The following TSHZ2 variants were observed in gnomAD, a reference collection of about 807,000 sequenced individuals.
TSHZ2 encodes the protein teashirt zinc finger homeobox 2, also known as teashirt homolog 2.
Under a neutral mutation model 74.4 loss-of-function variants are expected in TSHZ2, and 21 were observed. The ratio of observed to expected loss-of-function variants is 0.28; its 90% confidence interval spans 0.20 to 0.41. The LOEUF is 0.41. Among genes scored for constraint, TSHZ2 ranks in the 10% least tolerant of loss-of-function variants. TSHZ2 has a pLI of 1.00. For missense variants in TSHZ2, 1,244 were observed against 1,293.5 expected (o/e 0.96, Z 0.59); for synonymous variants, 540 against 515.3 (o/e 1.05, Z -0.65).
chr20:53,160,323 G>A (rs965935888), intron 1 of TSHZ2, among the ~76,000 whole-genome samples: 1 of 152,174 alleles, frequency 6.6e-6, no homozygotes, highest in African/African-American at 2.4e-5. Flanking sequence ...GGGTTCAGGA[G>A]TCCACATCAA....
chr20:53,060,202 A>G (rs1400110357), intron 1 of TSHZ2, among the ~76,000 whole-genome samples: 2 of 152,112 alleles, frequency 1.3e-5, no homozygotes, highest in African/African-American at 4.8e-5. Flanking sequence ...AGAAGTCAAA[A>G]TTTTTCAGAT....
At chr20:53,458,200 TG>T (rs1985189429) in intron 2 of TSHZ2, among the ~76,000 whole-genome samples, 1 of 147,882 alleles carries the variant, frequency 6.8e-6, no homozygotes, top group South Asian at 2.2e-4. Flanking sequence ...GGACTCTTTT[TG>T]GTTGGTAAGC....
At chr20:53,009,910 G>A (rs933572102) in intron 1 of TSHZ2, among the ~76,000 whole-genome samples, 25 of 152,244 alleles carry the variant, frequency 1.6e-4, no homozygotes, top group African/African-American at 5.8e-4. Context: ...TGAGGATTTT[G>A]TTTGTTTGTT....
intron 2 of TSHZ2, among the ~76,000 whole-genome samples, chr20:53,262,915 T>A (rs960114313): frequency 6.6e-6 from 1 of 152,174 alleles, no homozygotes; most frequent in Non-Finnish European, 1.5e-5. Flanking sequence ...ATTTGGGGGT[T>A]TTACAGAACT....
intron 1 of TSHZ2, among the ~76,000 whole-genome samples, chr20:53,012,269 T>A (rs560760090): frequency 6.6e-6 from 1 of 152,164 alleles, no homozygotes; most frequent in South Asian, 2.1e-4. Context: ...CCTTATCACC[T>A]TCCGTTCTTG....
chr20:53,315,725 C>T (rs577809766), intron 2 of TSHZ2, among the ~76,000 whole-genome samples: 6 of 152,234 alleles, frequency 3.9e-5, no homozygotes, highest in East Asian at 1.9e-4. Flanking sequence ...ATAGACATCA[C>T]GGCGCTCTCA....
intron 1 of TSHZ2, among the ~76,000 whole-genome samples, chr20:53,110,728 T>C (rs1038749605): frequency 1.4e-5 from 2 of 144,966 alleles, no homozygotes; most frequent in African/African-American, 4.9e-5. Flanking sequence ...GGGAGGCAGA[T>C]AACATTAAAA....
At chr20:53,458,851 G>C (rs956219450) in intron 2 of TSHZ2, among the ~76,000 whole-genome samples, 1 of 152,042 alleles carries the variant, frequency 6.6e-6, no homozygotes, top group Non-Finnish European at 1.5e-5. Context: ...AGGTTGTTCA[G>C]TTTCCATGTA....
At chr20:53,487,019 C>G (rs2781289) in intron 2 of TSHZ2, 125 bp from the exon 3 acceptor site, 51,655 of 152,242 alleles carry the variant, frequency 0.34, 9,007 homozygotes, top group Admixed American at 0.36. Context: ...AACTAGGACT[C>G]TACTCAGAAC....
Position 53,256,660 on chromosome 20 carries a change from C to T in TSHZ2, c.*8+89C>T, listed in dbSNP as rs1990490989. 6.8e-7 allele frequency: 1 copy of T among 1,473,410 alleles called. No homozygotes were observed. The allele number at this position is 1,473,410 out of a possible 1,614,324, so 91.3% of individuals were successfully genotyped here. A position where few individuals can be genotyped will look rare whatever the true frequency, so the allele number is the denominator to read the frequency against. On this transcript the variant is annotated intron_variant, in intron 2 of 2. Transcript: ENST00000371497. This position sits in a 1 kb window ranked among gnomAD's most constrained non-coding sequence, Gnocchi z 4.3. ...TCTGCTTAGAGGCAGCTAGCATCTC[C>T]CAATGCCAAGCAGGATAGTAGCTTG... is the stretch of plus-strand genomic sequence containing the variant.
intron 2 of TSHZ2, among the ~76,000 whole-genome samples, chr20:53,332,168 A>C (rs1600814648): frequency 1.3e-5 from 2 of 152,138 alleles, no homozygotes; most frequent in African/African-American, 4.8e-5. Flanking sequence ...CCTGGGACTC[A>C]CCCTGCCGAA....
intron 2 of TSHZ2, among the ~76,000 whole-genome samples, chr20:53,473,418 G>A (rs1250057525): frequency 7.1e-6 from 1 of 140,856 alleles, no homozygotes; most frequent in Non-Finnish European, 1.5e-5. Context: ...ACACGGCAGG[G>A]TATTCCAACA....
chr20:53,340,934 G>A (rs1316162216), intron 2 of TSHZ2, among the ~76,000 whole-genome samples: 1 of 152,152 alleles, frequency 6.6e-6, no homozygotes, highest in East Asian at 1.9e-4. Flanking sequence ...GAAAAAAATT[G>A]AGCGCAATTA....
intron 1 of TSHZ2, among the ~76,000 whole-genome samples, chr20:53,169,332 C>T (rs1246035572): frequency 6.6e-6 from 1 of 152,206 alleles, no homozygotes; most frequent in Non-Finnish European, 1.5e-5. Flanking sequence ...AGCTTCTGGC[C>T]TCTCAACGTC....
chr20:53,288,356 A>T (rs1170726018), intron 2 of TSHZ2, among the ~76,000 whole-genome samples: 1 of 150,816 alleles, frequency 6.6e-6, no homozygotes, highest in Admixed American at 6.6e-5. Flanking sequence ...GTGAGCCGAG[A>T]TCACACCACT....
chr20:53,481,890 G>A (rs1348571636), intron 2 of TSHZ2, among the ~76,000 whole-genome samples: 1 of 152,092 alleles, frequency 6.6e-6, no homozygotes, highest in Non-Finnish European at 1.5e-5. Flanking sequence ...GATCTCCTGA[G>A]GTCGGGAGAT....
At chr20:53,452,156 G>C (rs1369495472) in intron 2 of TSHZ2, among the ~76,000 whole-genome samples, 1 of 152,226 alleles carries the variant, frequency 6.6e-6, no homozygotes, top group African/African-American at 2.4e-5. Context: ...ATGGGTCTAG[G>C]CAAGTGGCTT....
intron 1 of TSHZ2, among the ~76,000 whole-genome samples, chr20:53,102,980 T>G (rs1430799967): frequency 6.6e-6 from 1 of 152,186 alleles, no homozygotes; most frequent in Non-Finnish European, 1.5e-5. Context: ...CTAGGATAGA[T>G]TAGAATACAT....
intron 2 of TSHZ2, among the ~76,000 whole-genome samples, chr20:53,462,807 T>C (rs1456868349): frequency 2.0e-5 from 3 of 152,132 alleles, no homozygotes; most frequent in Admixed American, 1.3e-4. Flanking sequence ...GGAGGTCACA[T>C]GAGCCAGTGG....
Sources: gnomAD v4.1 joint callset for allele counts (sites outside exome capture counted in the v4.1 genomes callset) on GRCh38, gnomAD v4.1.1 for gene constraint, Gnocchi (gnomAD v3.1) non-coding constraint, MANE v1.5 for transcripts, NCBI Gene and HGNC (gene_info 2026-07-23, HGNC 2026-07-21) for gene names.